FNTA: variants seen among roughly 807,000 people sequenced by gnomAD.
FNTA encodes farnesyltransferase, CAAX box, subunit alpha.
Under a neutral mutation model 55.2 loss-of-function variants are expected in FNTA, and 27 were observed. The observed-to-expected ratio is 0.49, with a 90% CI of 0.36 to 0.67. The LOEUF (loss-of-function observed/expected upper bound fraction) is 0.67. Among genes scored for constraint, FNTA ranks in the 30% least tolerant of loss-of-function variants. The pLI, the probability that FNTA is intolerant of heterozygous loss-of-function variation, is 0.00. For missense variants in FNTA, 422 were observed against 464.7 expected, an observed-to-expected ratio of 0.91 and a Z score of 0.85; for synonymous variants, 176 against 170.7, an observed-to-expected ratio of 1.03 and a Z score of -0.24.
Position 43,056,410 on chromosome 8 carries a change from C to T in FNTA, c.64C>T (p.Pro22Ser), listed in dbSNP as rs1810399412. 3 of 1,518,930 alleles carry T rather than the reference C, an allele frequency of 2.0e-6. No individual in the cohort carries two copies. Among genetic ancestry groups the T allele is most frequent in the Non-Finnish European group, 1.8e-6 (2 of 1,136,392 alleles). The allele number at this position is 1,518,930 out of a possible 1,614,324, so 94.1% of individuals were successfully genotyped here. A position where few individuals can be genotyped will look rare whatever the true frequency, so the allele number is the denominator to read the frequency against. The change falls in exon 1 of 9, where the codon CCC (proline) becomes TCC (serine). Residue 22 changes from proline (P) to serine (S), a missense_variant. Coordinates refer to ENST00000302279, the MANE Select transcript of FNTA (RefSeq NM_002027.3). ...QGGEPGQPAQPPPQPHPPPPQ... is the reference protein window; with the variant it reads ...QGGEPGQPAQSPPQPHPPPPQ... ...GGGCGAGCCCGGGCAGCCGGCGCAA[C>T]CCCCGCCCCAGCCGCACCCACCGCC...
intron 3 of FNTA, among the ~76,000 whole-genome samples, chr8:43,068,095 T>G (rs1810702647): frequency 6.6e-6 from 1 of 152,126 alleles, no homozygotes; most frequent in African/African-American, 2.4e-5. Context: ...AGAGATGGTG[T>G]TTCACCATGT....
At chr8:43,081,495 A>G (rs1811026745) in intron 6 of FNTA, 1 of 152,218 alleles carries the variant, frequency 6.6e-6, no homozygotes, top group Non-Finnish European at 1.5e-5. Flanking sequence ...TAATTTGCCC[A>G]AGAGCACATA....
rs560122691 is a variant in FNTA at position 43,064,096 on chromosome 8, T to A, written c.287-5T>A. Reference sequence around the variant, plus strand: ...TCCTAATGTAGTTGTGTGCTCTATCTCTAGTTAGAGATGTTTATGATTACT... The same window carrying A: ...TCCTAATGTAGTTGTGTGCTCTATCACTAGTTAGAGATGTTTATGATTACT... On this transcript the variant is annotated splice_region_variant and splice_polypyrimidine_tract_variant and intron_variant, in intron 2 of 8. Transcript: ENST00000302279. 1 of 1,585,152 alleles carries A rather than the reference T, an allele frequency of 6.3e-7. No homozygotes were observed. The highest frequency in any genetic ancestry group is 8.7e-7 in the Non-Finnish European group (1 of 1,154,120).
intron 6 of FNTA, 114 bp downstream of exon 6, chr8:43,077,478 A>G: frequency 1.4e-6 from 1 of 709,572 alleles, no homozygotes; most frequent in Non-Finnish European, 2.3e-6. Flanking sequence ...CTAAAAGAGG[A>G]CAGAGTACTG....
intron 6 of FNTA, 136 bp downstream of exon 6, chr8:43,077,500 G>A: frequency 2.0e-6 from 1 of 488,780 alleles, no homozygotes; most frequent in Non-Finnish European, 3.5e-6. Flanking sequence ...GTGGAACATA[G>A]GATGATAGAT....
intron 3 of FNTA, among the ~76,000 whole-genome samples, chr8:43,067,333 A>G (rs912244525): frequency 3.9e-5 from 6 of 152,184 alleles, no homozygotes; most frequent in Admixed American, 2.0e-4. Context: ...AATCTTGTCT[A>G]TCTGCTCACA....
chr8:43,056,636 G>C (rs1586650632), intron 1 of FNTA, 90 bp downstream of exon 1: 1 of 906,340 alleles, frequency 1.1e-6, no homozygotes, highest in East Asian at 3.5e-5. Context: ...GCCCCGGCGC[G>C]CCAGGCCGAA....
chr8:43,085,315 A>G lies in FNTA; in HGVS notation c.*33A>G. 2 of 1,594,036 alleles carry G rather than the reference A, an allele frequency of 1.3e-6. No individual in the cohort carries two copies. The highest frequency in any genetic ancestry group is 1.7e-6 in the Non-Finnish European group (2 of 1,173,984). On this transcript the variant is annotated 3_prime_UTR_variant, in exon 9 of 9. Coordinates refer to ENST00000302279, the MANE Select transcript of FNTA (RefSeq NM_002027.3). ...CAGAAGAACTTGATGGAATGCTTTT[A>G]TTTTTTATTAAGGGACCCTGCAGGA...
intron 1 of FNTA, among the ~76,000 whole-genome samples, chr8:43,058,279 A>G (rs149373108): frequency 3.3e-5 from 5 of 152,296 alleles, no homozygotes; most frequent in African/African-American, 7.2e-5. Context: ...GCTCCAGCCA[A>G]TGTTACGACT....
chr8:43,069,741 T>C, intron 4 of FNTA, 82 bp downstream of exon 4: 1 of 777,888 alleles, frequency 1.3e-6, no homozygotes, highest in Admixed American at 2.2e-5. Flanking sequence ...GCCTCCTGGG[T>C]TCAAGTGATT....
At chr8:43,075,347 C>T (rs1289630329) in intron 5 of FNTA, among the ~76,000 whole-genome samples, 1 of 69,578 alleles carries the variant, frequency 1.4e-5, no homozygotes, top group East Asian at 4.9e-4. Context: ...CGGGGACTAT[C>T]ATAGGAGATT....
At chr8:43,077,083 A>G (rs1810929368) in intron 5 of FNTA, 133 bp from the exon 6 acceptor site, 3 of 525,892 alleles carry the variant, frequency 5.7e-6, no homozygotes, top group Admixed American at 7.7e-5. Flanking sequence ...ACTTGCAGCT[A>G]TCACTACCTT....
intron 6 of FNTA, chr8:43,080,047 A>G (rs2130570905): frequency 6.6e-6 from 1 of 152,334 alleles, no homozygotes; most frequent in East Asian, 1.9e-4. Context: ...TGAGCAAAAG[A>G]AGTGGTTTCT....
rs141352327 is a variant in FNTA at position 43,056,532 on chromosome 8, C to T, written c.186C>T (p.Ser62=). Residue 62 remains serine, a synonymous_variant, in exon 1 of 9, where the codon TCC becomes TCT. Transcript: ENST00000302279. ...DDGFVSLDSP[S]YVLYRDRAEW... ...GGTTTGTGAGCCTGGACTCGCCCTC[C>T]TATGTCCTGTACAGGTAACGCCCCC... 11 of 1,547,110 alleles carry T rather than the reference C, an allele frequency of 7.1e-6. No individual in the cohort carries two copies. Among genetic ancestry groups the T allele is most frequent in the Non-Finnish European group, 9.6e-6 (11 of 1,150,238 alleles).
chr8:43,077,629 A>G (rs1187996990), intron 6 of FNTA: 4 of 257,130 alleles, frequency 1.6e-5, no homozygotes, highest in Non-Finnish European at 2.9e-5. Flanking sequence ...CTTTATTTTA[A>G]AACCATCTCA....
intron 5 of FNTA, chr8:43,076,774 G>C (rs544439756): frequency 6.6e-6 from 1 of 152,536 alleles, no homozygotes; most frequent in South Asian, 2.1e-4. Context: ...CTACTTGGGA[G>C]GCTGAGGCAG....
In FNTA at chr8:43,077,319, A is replaced by C; in HGVS notation, c.737A>C (p.Asn246Thr). The stretch of plus-strand genomic sequence containing the variant: ...AACCAAAGATACTTCGTTATTTCTA[A>C]CACCACTGGCTACAATGATCGTGCT... The part of the protein sequence containing the change: ...VWNQRYFVIS[N>T]TTGYNDRAVL... Residue 246 changes from asparagine (N) to threonine (T), a missense_variant, in exon 6 of 9, where the codon AAC (asparagine) becomes ACC (threonine). Asn to Thr is a moderately conservative substitution (Grantham distance 65). Coordinates refer to ENST00000302279, the MANE Select transcript of FNTA (RefSeq NM_002027.3). The C allele has an allele frequency of 1.2e-6, 2 of 1,613,418 alleles. No homozygotes were observed. The highest frequency in any genetic ancestry group is 1.1e-5 in the South Asian group (1 of 90,960).
intron 7 of FNTA, among the ~76,000 whole-genome samples, chr8:43,084,012 G>T (rs773897873): frequency 4.0e-5 from 6 of 151,864 alleles, no homozygotes; most frequent in Non-Finnish European, 8.8e-5. Context: ...GTGGAGGTCA[G>T]AGTGAGCCAA....
intron 1 of FNTA, 56 bp downstream of exon 1, chr8:43,056,602 C>T: frequency 1.7e-6 from 2 of 1,151,860 alleles, no homozygotes; most frequent in Non-Finnish European, 1.1e-6. Context: ...CCAGCGGCCC[C>T]AAGACCCGCG....
Sources: allele counts gnomAD v4.1 joint callset (sites outside exome capture counted in the v4.1 genomes callset), GRCh38; gene constraint gnomAD v4.1.1; transcripts MANE v1.5; gene names NCBI Gene and HGNC (gene_info 2026-07-23, HGNC 2026-07-21).